The following ANK2 variants were observed in gnomAD, a reference collection of about 807,000 sequenced individuals.
The protein encoded by ANK2 is ankyrin 2, also known as ankyrin-2.
A neutral mutation model predicts 360.5 loss-of-function variants in ANK2; 83 were observed. The ratio of observed to expected loss-of-function variants is 0.23; its 90% CI spans 0.19 to 0.28. The LOEUF (loss-of-function observed/expected upper bound fraction) is 0.28. Among genes scored for constraint, ANK2 ranks in the 10% least tolerant of loss-of-function variants. The probability of loss-of-function intolerance (pLI) is 1.00; values close to 1 mark genes in which losing one functional copy is unlikely to be tolerated. For synonymous variants in ANK2, 1,740 were observed against 1,759.5 expected, an observed-to-expected ratio of 0.99 and a Z score of 0.28; for missense variants, 4,201 against 4,795.7, an observed-to-expected ratio of 0.88 and a Z score of 3.66.
In ANK2 at chr4:113,354,604, GCTTTCCAGTCAGGTCAGGACC is replaced by G; in HGVS notation, c.5990_6010del (p.Phe1997_Pro2003del). The G allele has an allele frequency of 1.2e-6, 2 of 1,613,996 alleles. No homozygotes were observed. The highest frequency in any genetic ancestry group is 1.7e-6 in the Non-Finnish European group (2 of 1,179,970). On this transcript the variant is annotated inframe_deletion, in exon 38 of 46. Coordinates refer to ENST00000357077, the MANE Select transcript of ANK2 (RefSeq NM_001148.6). ...CATGTCTGTTCGGGAGCTGATGAAG[GCTTTCCAGTCAGGTCAGGACC>G]CTTCTAAACATAAAACTGGACTCTT... is the stretch of plus-strand genomic sequence containing the variant.
the ANK2 span, among the ~76,000 whole-genome samples, chr4:112,775,515 T>TCA: frequency 0.014 from 1,685 of 118,152 alleles, 30 homozygotes; most frequent in East Asian, 0.049. Context: ...CTAAGCTCCA[T>TCA]CACACACACA....
At chr4:113,313,282 T>C (rs911058322) in intron 24 of ANK2, among the ~76,000 whole-genome samples, 2 of 152,226 alleles carry the variant, frequency 1.3e-5, no homozygotes, top group Non-Finnish European at 2.9e-5. Context: ...CTGTCAACCA[T>C]AAAGCTTCTA....
At chr4:112,726,992 GTATCCA>G in the ANK2 span, among the ~76,000 whole-genome samples, 3 of 151,592 alleles carry the variant, frequency 2.0e-5, no homozygotes, top group African/African-American at 7.3e-5. Flanking sequence ...TTATAAATAT[GTATCCA>G]TAGCTTACTA....
chr4:112,827,981 A>G (rs543224943), intron 1 of ANK2, among the ~76,000 whole-genome samples: 2 of 152,318 alleles, frequency 1.3e-5, no homozygotes, highest in African/African-American at 4.8e-5. Flanking sequence ...ACAGGCTGCA[A>G]TAACCAAAAC....
chr4:113,021,876 A>G (rs532161509), intron 2 of ANK2, among the ~76,000 whole-genome samples: 2 of 152,302 alleles, frequency 1.3e-5, no homozygotes, highest in Non-Finnish European at 2.9e-5. Flanking sequence ...AATATTAACA[A>G]TAACGAAAGT....
At chr4:113,045,366 A>G (rs1488658761), upstream of ANK2, among the ~76,000 whole-genome samples, 1 of 152,160 alleles carries the variant, frequency 6.6e-6, no homozygotes, top group African/African-American at 2.4e-5. Flanking sequence ...GTCTTTGTCC[A>G]TCTTATACTT....
At chr4:113,250,566 AT>A (rs1253754360) in intron 10 of ANK2, among the ~76,000 whole-genome samples, 1 of 152,164 alleles carries the variant, frequency 6.6e-6, no homozygotes, top group African/African-American at 2.4e-5. Context: ...TGCTTTTATT[AT>A]TGTATAGTTC....
At chr4:113,160,388 A>G (rs1199646801) in intron 1 of ANK2, 1 of 416,978 alleles carries the variant, frequency 2.4e-6, no homozygotes, top group South Asian at 1.8e-5. Context: ...TTTGAAAAAC[A>G]AATGTAATCT....
intron 2 of ANK2, among the ~76,000 whole-genome samples, chr4:112,962,079 T>C (rs2035098401): frequency 6.6e-6 from 1 of 152,152 alleles, no homozygotes; most frequent in Non-Finnish European, 1.5e-5. Flanking sequence ...TATTAATTTT[T>C]GTCTTTGTTT....
intron 1 of ANK2, among the ~76,000 whole-genome samples, chr4:113,098,134 T>C (rs985653868): frequency 5.9e-5 from 9 of 151,568 alleles, no homozygotes; most frequent in Admixed American, 1.3e-4. Context: ...TCCATCAATC[T>C]AAGCTTTTAT....
At chr4:112,763,497 G>T in the ANK2 span, among the ~76,000 whole-genome samples, 2 of 150,500 alleles carry the variant, frequency 1.3e-5, no homozygotes, top group East Asian at 2.0e-4. Flanking sequence ...CTCCCAAAGT[G>T]CTGGGATTAT....
At chr4:113,255,634 A>G (rs2048894302) in intron 10 of ANK2, 101 bp from the exon 11 acceptor site, 3 of 1,221,274 alleles carry the variant, frequency 2.5e-6, no homozygotes, top group Admixed American at 3.8e-5. Flanking sequence ...TTCCCCTGCC[A>G]CTAACTGTGT....
At chr4:113,038,525 C>T (rs2062122020) in intron 2 of ANK2, among the ~76,000 whole-genome samples, 1 of 151,898 alleles carries the variant, frequency 6.6e-6, no homozygotes. Flanking sequence ...TACTTGCTGG[C>T]CATCTGTGGC....
At chr4:113,223,936 A>G (rs866065920) in intron 4 of ANK2, among the ~76,000 whole-genome samples, 1 of 152,098 alleles carries the variant, frequency 6.6e-6, no homozygotes, top group South Asian at 2.1e-4. Flanking sequence ...ATTCTTTCAC[A>G]TGTTTGGCAT....
intron 1 of ANK2, among the ~76,000 whole-genome samples, chr4:112,895,789 G>C (rs1173033326): frequency 1.3e-5 from 2 of 152,198 alleles, no homozygotes; most frequent in Non-Finnish European, 2.9e-5. Flanking sequence ...ATTTTCCTGA[G>C]TATTTATAAA....
chr4:113,370,479 G>T (rs915862071), intron 43 of ANK2, among the ~76,000 whole-genome samples: 1 of 152,078 alleles, frequency 6.6e-6, no homozygotes, highest in African/African-American at 2.4e-5. Flanking sequence ...TTAACCATTG[G>T]CCAGGCGCGG....
chr4:113,258,585 A>C (rs1197073643), intron 13 of ANK2, among the ~76,000 whole-genome samples, 174 bp downstream of exon 13: 1 of 152,190 alleles, frequency 6.6e-6, no homozygotes, highest in Non-Finnish European at 1.5e-5. Context: ...ACTGAAAAGA[A>C]CCTGGATAGG....
At chr4:112,957,388 A>T (rs2095392602) in intron 2 of ANK2, among the ~76,000 whole-genome samples, 1 of 152,194 alleles carries the variant, frequency 6.6e-6, no homozygotes, top group Non-Finnish European at 1.5e-5. Flanking sequence ...GTACAGAACA[A>T]AATGAAAAGT....
chr4:113,199,238 C>A, intron 4 of ANK2, 129 bp downstream of exon 4: 2 of 752,642 alleles, frequency 2.7e-6, no homozygotes, highest in Non-Finnish European at 4.3e-6. Context: ...TTTATTTTAG[C>A]CAAATAATTT....
Sources: allele counts gnomAD v4.1 joint callset (sites outside exome capture counted in the v4.1 genomes callset), GRCh38; gene constraint gnomAD v4.1.1; transcripts MANE v1.5; gene names NCBI Gene and HGNC (gene_info 2026-07-23, HGNC 2026-07-21).